The following LYZL2 variants were observed in gnomAD, a reference collection of about 807,000 sequenced individuals.
LYZL2 encodes the protein lysozyme like 2, also known as lysozyme-like protein 2.
LYZL2 carries 13 observed loss-of-function variants against 17.1 expected under a neutral mutation model. That is an observed-to-expected ratio of 0.76 (90% CI 0.49 to 1.21). The LOEUF (loss-of-function observed/expected upper bound fraction) is 1.21. LYZL2 is among the 50% of genes most tolerant of loss of function. The pLI, the probability that LYZL2 is intolerant of heterozygous loss-of-function variation, is 0.00. For synonymous variants in LYZL2, 63 were observed against 74.4 expected, an observed-to-expected ratio of 0.85 and a Z score of 0.79; for missense variants, 166 against 189.2, an observed-to-expected ratio of 0.88 and a Z score of 0.72.
At chr10:30,615,956 A>G (rs1018417937) in intron 3 of LYZL2, among the ~76,000 whole-genome samples, 17 of 152,238 alleles carry the variant, frequency 1.1e-4, no homozygotes, top group African/African-American at 7.2e-5. Flanking sequence ...GGGTTCACCA[A>G]TGCTTTTATG....
rs1364961344 is a variant in LYZL2 at position 30,612,752 on chromosome 10, A to G, written c.377+70T>C. The G allele has an allele frequency of 3.2e-6, 4 of 1,235,548 alleles. No individual in the cohort carries two copies. The African/African-American group carries it at 5.9e-5, about 18-fold the overall frequency. 76.5% of individuals were successfully genotyped at this position (1,235,548 alleles called of 1,614,324 possible). A position where few individuals can be genotyped will look rare whatever the true frequency, so the allele number is the denominator to read the frequency against. ...CGGAGGTGAGTTTGTCAATTCCACC[A>G]TAACTGTGATAAATACACACACTAG... On this transcript the variant is annotated intron_variant, in intron 4 of 4. Coordinates refer to ENST00000647634, the MANE Select transcript of LYZL2 (RefSeq NM_183058.3).
downstream of LYZL2, among the ~76,000 whole-genome samples, chr10:30,609,938 A>T (rs1838413697): frequency 6.6e-6 from 1 of 152,176 alleles, no homozygotes; most frequent in African/African-American, 2.4e-5. Context: ...TTGCAAAAAG[A>T]TACATGAGTC....
chr10:30,617,680 A>AAAAAAAAAAAAAAAAAAAAAG (rs1838554487), intron 3 of LYZL2, among the ~76,000 whole-genome samples: 2 of 119,572 alleles, frequency 1.7e-5, no homozygotes, highest in African/African-American at 3.3e-5. Context: ...GTCTCAAAAA[A>AAAAAAAAAAAAAAAAAAAAAG]AAAAAAAAAA....
chr10:30,622,564 G>A (rs200117814), intron 3 of LYZL2, among the ~76,000 whole-genome samples: 3 of 150,186 alleles, frequency 2.0e-5, no homozygotes, highest in Non-Finnish European at 4.4e-5. Context: ...AACAAAAAAA[G>A]AAAAAAAAAG....
At chr10:30,626,732 G>C in intron 2 of LYZL2, 45 bp downstream of exon 2, 1 of 1,611,436 alleles carries the variant, frequency 6.2e-7, no homozygotes, top group Non-Finnish European at 8.5e-7. Context: ...ACATCTCAGG[G>C]GAAAGGTCAA....
downstream of LYZL2, among the ~76,000 whole-genome samples, chr10:30,610,252 G>A (rs376617481): frequency 2.3e-4 from 35 of 152,264 alleles, no homozygotes; most frequent in South Asian, 6.6e-3. Context: ...AATAACATGG[G>A]GAACTCTCTG....
At chr10:30,613,499 G>GAAAAAAAAAAAAAA (rs34156491) in intron 3 of LYZL2, among the ~76,000 whole-genome samples, 1 of 125,724 alleles carries the variant, frequency 8.0e-6, no homozygotes, top group African/African-American at 2.9e-5. Flanking sequence ...TCTGTCTTAA[G>GAAAAAAAAAAAAAA]AAAAAAAAAA....
rs141716366 is a variant in LYZL2, at chr10:30,626,114, C to A, written c.289G>T (p.Ala97Ser). 6.2e-7 allele frequency: 1 copy of A among 1,613,650 alleles called. No individual in the cohort carries two copies. Among genetic ancestry groups the A allele is most frequent in the African/African-American group, 1.3e-5 (1 of 74,926 alleles). ...KLKENNHCHV[A>S]CSALVTDDLT... The stretch of plus-strand genomic sequence containing the variant: ...AAAGTCAGAGCCTCACCTGAGCAGG[C>A]GACGTGGCAGTGGTTGTTCTCCTTC... The change falls in exon 3 of 5, where the codon GCC (alanine) becomes TCC (serine). Residue 97 changes from alanine (A) to serine (S), a missense_variant. Ala to Ser is a moderately conservative substitution (Grantham distance 99, BLOSUM62 1). Coordinates refer to ENST00000647634, the MANE Select transcript of LYZL2 (RefSeq NM_183058.3).
At chr10:30,622,757 G>A (rs1277478031) in intron 3 of LYZL2, among the ~76,000 whole-genome samples, 5 of 152,024 alleles carry the variant, frequency 3.3e-5, no homozygotes, top group Admixed American at 6.6e-5. Context: ...AGTTGCAATC[G>A]AAACCATATG....
At chr10:30,628,931 T>C (rs747407897) in intron 1 of LYZL2, among the ~76,000 whole-genome samples, 2 of 152,252 alleles carry the variant, frequency 1.3e-5, no homozygotes, top group Admixed American at 6.5e-5. Flanking sequence ...TAATATATTG[T>C]TGGTGGCTGA....
downstream of LYZL2, among the ~76,000 whole-genome samples, chr10:30,610,931 A>G (rs1715455368): frequency 6.6e-6 from 1 of 152,112 alleles, no homozygotes; most frequent in African/African-American, 2.4e-5. Flanking sequence ...GCGTGTAGGT[A>G]CACAAATGGT....
intron 3 of LYZL2, among the ~76,000 whole-genome samples, chr10:30,615,868 A>G (rs1409956271): frequency 7.2e-6 from 1 of 138,166 alleles, no homozygotes; most frequent in East Asian, 2.0e-4. Context: ...GGAAAGTTCT[A>G]TTAGATAGCA....
chr10:30,607,067 C>T (rs578053073), downstream of LYZL2, among the ~76,000 whole-genome samples: 15 of 151,754 alleles, frequency 9.9e-5, no homozygotes, highest in Admixed American at 2.0e-4. Flanking sequence ...CCCGCCACCA[C>T]GCCTGGCTAA....
intron 3 of LYZL2, among the ~76,000 whole-genome samples, chr10:30,618,229 T>G (rs1838565528): frequency 6.6e-6 from 1 of 152,074 alleles, no homozygotes; most frequent in African/African-American, 2.4e-5. Context: ...AGAATCAATA[T>G]CGTGAAAATG....
At chr10:30,627,220 C>T (rs565051728) in intron 1 of LYZL2, among the ~76,000 whole-genome samples, 5 of 152,016 alleles carry the variant, frequency 3.3e-5, no homozygotes, top group African/African-American at 1.2e-4. Context: ...CAGGTGAAAA[C>T]CACAAGGGGC....
intron 3 of LYZL2, among the ~76,000 whole-genome samples, chr10:30,618,467 C>A (rs1324104386): frequency 1.3e-5 from 2 of 152,096 alleles, no homozygotes; most frequent in African/African-American, 4.8e-5. Flanking sequence ...GGTACTGGTA[C>A]CAAAACAGAG....
Position 30,626,146 on chromosome 10 carries a change from C to T in LYZL2, c.257G>A (p.Gly86Glu), listed in dbSNP as rs866625667. 6.2e-7 allele frequency: 1 copy of T among 1,614,266 alleles called. No homozygotes were observed. The highest frequency in any genetic ancestry group is 2.2e-5 in the East Asian group (1 of 44,892). The change falls in exon 3 of 5, where the codon GGA becomes GAA. Residue 86 changes from glycine (G) to glutamate (E), a missense_variant. Gly to Glu is a moderately conservative substitution (Grantham distance 98, BLOSUM62 -2). Coordinates refer to ENST00000647634, the MANE Select transcript of LYZL2 (RefSeq NM_183058.3). ...QINSFAWCRR[G>E]KLKENNHCHV... Reference sequence around the variant, plus strand: ...GCAGTGGTTGTTCTCCTTCAGCTTTCCGCGTCTGCACCACGCGAAGCTGTT... The same window carrying T: ...GCAGTGGTTGTTCTCCTTCAGCTTTTCGCGTCTGCACCACGCGAAGCTGTT...
rs549348486 is a variant in LYZL2, at chr10:30,612,305, G to T, written c.378-281C>A. Reference sequence around the variant, plus strand: ...CTGTGAAAATTCGGGTTCCCTGAGTGGGGCCGGCTGGCAATGTTCACCAGA... The same window carrying T: ...CTGTGAAAATTCGGGTTCCCTGAGTTGGGCCGGCTGGCAATGTTCACCAGA... On this transcript the variant is annotated intron_variant, in intron 4 of 4. Transcript: ENST00000647634. Among the ~76,000 whole-genome samples, 3 of 152,316 alleles carry T rather than the reference G, an allele frequency of 2.0e-5. No homozygotes were observed. The East Asian group carries it at 5.8e-4, about 29-fold the overall frequency.
intron 3 of LYZL2, among the ~76,000 whole-genome samples, chr10:30,624,982 G>T (rs35962880): frequency 4.3e-4 from 65 of 152,278 alleles, no homozygotes; most frequent in Non-Finnish European, 7.2e-4. Context: ...GGTGTGAGTG[G>T]TCCCTAGAAG....
Sources: gnomAD v4.1 joint callset for allele counts (sites outside exome capture counted in the v4.1 genomes callset) on GRCh38, gnomAD v4.1.1 for gene constraint, MANE v1.5 for transcripts, NCBI Gene and HGNC (gene_info 2026-07-23, HGNC 2026-07-21) for gene names.